Variants in LAMA4 observed in about 807,000 individuals in gnomAD.
The protein encoded by LAMA4 is laminin subunit alpha-4.
Under a neutral mutation model 207.1 loss-of-function variants are expected in LAMA4, and 127 were observed. That is an observed-to-expected ratio of 0.61 (90% CI 0.53 to 0.71). The LOEUF (loss-of-function observed/expected upper bound fraction) is 0.71. Ranked by LOEUF, LAMA4 falls within the 30% of genes least tolerant of loss-of-function variation. LAMA4 has a pLI of 0.00. For missense variants in LAMA4, 2,093 were observed against 2,246.5 expected (o/e 0.93, Z 1.38); for synonymous variants, 761 against 816.0 (o/e 0.93, Z 1.15).
chr6:112,253,641 G>A (rs1562116319), intron 2 of LAMA4: 3 of 1,127,134 alleles, frequency 2.7e-6, no homozygotes, highest in Middle Eastern at 2.3e-4. Flanking sequence ...ACTGGGACAC[G>A]CAAGTGGCAG....
chr6:112,236,723 T>C, intron 2 of LAMA4: 1 of 152,324 alleles, frequency 6.6e-6, no homozygotes, highest in East Asian at 1.9e-4. Context: ...GTTGCTGCTT[T>C]TTTAATTCGC....
chr6:112,254,068 T>A lies in LAMA4; in HGVS notation c.83A>T (p.Asp28Val). 1 of 1,610,214 alleles carries A rather than the reference T, an allele frequency of 6.2e-7. No homozygotes were observed. The highest frequency in any genetic ancestry group is 8.5e-7 in the Non-Finnish European group (1 of 1,178,688). Residue 28 changes from aspartate (D) to valine (V), a missense_variant, in exon 2 of 39, where the codon GAC (aspartate) becomes GTC (valine). Asp to Val is a radical substitution (Grantham distance 152, BLOSUM62 -3). Coordinates refer to ENST00000230538, the MANE Select transcript of LAMA4 (RefSeq NM_001105206.3). Reference protein sequence around the residue: ...SAACSRAASGDDNAFPFDIEG... With the variant: ...SAACSRAASGVDNAFPFDIEG... ...AATGTCAAAAGGAAAAGCGTTGTCG[T>A]CCCCGGACGCGGCGCGGGAGCAGGC...
rs1330403749 is a variant in LAMA4 at position 112,118,551 on chromosome 6, G to A, written c.4821+605C>T. Among the ~76,000 whole-genome samples, 7 of 152,118 alleles carry A rather than the reference G, an allele frequency of 4.6e-5. No homozygotes were observed. Among genetic ancestry groups the A allele is most frequent in the African/African-American group, 1.7e-4 (7 of 41,430 alleles). On this transcript the variant is annotated intron_variant, in intron 34 of 38. Coordinates refer to ENST00000230538, the MANE Select transcript of LAMA4 (RefSeq NM_001105206.3). The surrounding 1 kb of genome is among the most constrained non-coding windows in gnomAD (Gnocchi z 4.6). ...TTGCTAAAATCCAACCTATATTTAT[G>A]TTAAGAAAAATTTAGTCCTTTGATG...
At chr6:112,110,098 A>C (rs940227735) in intron 38 of LAMA4, among the ~76,000 whole-genome samples, 17 of 152,196 alleles carry the variant, frequency 1.1e-4, no homozygotes, top group African/African-American at 4.1e-4. Context: ...CTAAGATTCA[A>C]TTTTTCTGAG....
In LAMA4 at chr6:112,131,600, G is replaced by A. The variant is rs111675583; in HGVS notation, c.3835-499C>T. ...TGCTTGTCTTAAAATATTTGGCAAG[G>A]GTTAATCTTGCTTCTCTTTCCTTAT... On this transcript the variant is annotated intron_variant, in intron 28 of 38. Transcript: ENST00000230538. Among the ~76,000 whole-genome samples the A allele has an allele frequency of 5.2e-3, 798 of 152,106 alleles. 9 individuals are homozygous for A. The highest frequency in any genetic ancestry group is 0.019 in the African/African-American group (771 of 41,532).
In LAMA4 at chr6:112,114,205, A is replaced by G. The variant is rs1326049183; in HGVS notation, c.5207-10T>C. 1 of 1,613,374 alleles carries G rather than the reference A, an allele frequency of 6.2e-7. No individual in the cohort carries two copies. Among genetic ancestry groups the G allele is most frequent in the Admixed American group, 1.7e-5 (1 of 59,938 alleles). ...TTAGAATCTCTAATAACTGAAATGCAGGGCAAAGACTGGTCATAAGTGGCA... is the reference window on the plus strand; with the variant it reads ...TTAGAATCTCTAATAACTGAAATGCGGGGCAAAGACTGGTCATAAGTGGCA... On this transcript the variant is annotated splice_polypyrimidine_tract_variant and intron_variant, in intron 37 of 38. Transcript: ENST00000230538.
chr6:112,133,604 T>G, intron 26 of LAMA4, 117 bp from the exon 27 acceptor site: 1 of 1,243,584 alleles, frequency 8.0e-7, no homozygotes, highest in Non-Finnish European at 1.2e-6. Flanking sequence ...TAATCATTCA[T>G]ATTCTCATGC....
In LAMA4 at chr6:112,139,223, A is replaced by T. The variant is rs905353308; in HGVS notation, c.3179T>A (p.Val1060Glu). ...TTTCCCTCTCCTTGTGATGTCTCTC[A>T]CCACGGCATAACCGGAGCCATCGAA... ...YFFDGSGYAV[V>E]RDITRRGKFG... The change falls in exon 24 of 39, where the codon GTG becomes GAG. Residue 1060 changes from valine (V) to glutamate (E), a missense_variant. Coordinates refer to ENST00000230538, the MANE Select transcript of LAMA4 (RefSeq NM_001105206.3). 1 of 1,614,162 alleles carries T rather than the reference A, an allele frequency of 6.2e-7. No individual in the cohort carries two copies. The highest frequency in any genetic ancestry group is 8.5e-7 in the Non-Finnish European group (1 of 1,180,010).
chr6:112,137,365 A>C (rs1469402298), intron 24 of LAMA4, among the ~76,000 whole-genome samples: 19 of 151,812 alleles, frequency 1.3e-4, no homozygotes. Flanking sequence ...TACTAATTTA[A>C]AAAAACCTGA....
chr6:112,236,453 G>C (rs1554366046), intron 2 of LAMA4: 1 of 152,218 alleles, frequency 6.6e-6, no homozygotes, highest in Non-Finnish European at 1.5e-5. Context: ...AGCTTAATAA[G>C]TATCAACACT....
chr6:112,223,388 G>A (rs1583937224), intron 2 of LAMA4, among the ~76,000 whole-genome samples: 2 of 152,184 alleles, frequency 1.3e-5, no homozygotes, highest in Non-Finnish European at 2.9e-5. Flanking sequence ...GTTGTGAGGT[G>A]AAAGACATCT....
chr6:112,202,911 C>T (rs543919602), intron 4 of LAMA4, among the ~76,000 whole-genome samples: 1 of 152,330 alleles, frequency 6.6e-6, no homozygotes, highest in African/African-American at 2.4e-5. Flanking sequence ...AGTCATCCGC[C>T]TGTAGCTGGT....
chr6:112,148,823 C>T (rs903771820), intron 17 of LAMA4, among the ~76,000 whole-genome samples: 1 of 151,608 alleles, frequency 6.6e-6, no homozygotes, highest in African/African-American at 2.4e-5. Flanking sequence ...AAAATTTTGT[C>T]TAGGGGATGG....
At chr6:112,166,723 T>A (rs1247300584) in intron 12 of LAMA4, among the ~76,000 whole-genome samples, 2 of 152,194 alleles carry the variant, frequency 1.3e-5, no homozygotes, top group East Asian at 3.8e-4. Flanking sequence ...CAGAAATGAA[T>A]AAAATTAGCT....
Position 112,143,763 on chromosome 6 carries a change from AG to A in LAMA4, c.2493+1030del, listed in dbSNP as rs201082360. Among the ~76,000 whole-genome samples, 857 of 152,326 alleles carry A rather than the reference AG, an allele frequency of 5.6e-3. 4 individuals carry two copies. The highest frequency in any genetic ancestry group is 0.01 in the Admixed American group (159 of 15,298). On this transcript the variant is annotated intron_variant, in intron 19 of 38. Coordinates refer to ENST00000230538, the MANE Select transcript of LAMA4 (RefSeq NM_001105206.3). ...TTTAGCAAATGGTCTTAGGTGATTAAGGTCCCAAAGTCATACTCTTTATAGA... is the reference window on the plus strand; with the variant it reads ...TTTAGCAAATGGTCTTAGGTGATTAAGTCCCAAAGTCATACTCTTTATAGA...
intron 24 of LAMA4, among the ~76,000 whole-genome samples, chr6:112,136,738 TTC>T (rs1779377916): frequency 6.6e-6 from 1 of 151,770 alleles, no homozygotes; most frequent in Admixed American, 6.6e-5. Flanking sequence ...CAGCAGCTAT[TTC>T]TCTTATTAAT....
intron 2 of LAMA4, among the ~76,000 whole-genome samples, chr6:112,226,630 C>A (rs115211690): frequency 2.6e-5 from 4 of 152,172 alleles, no homozygotes; most frequent in Non-Finnish European, 5.9e-5. Context: ...GTGTCTTACT[C>A]ATTTTTGTGT....
intron 28 of LAMA4, among the ~76,000 whole-genome samples, 161 bp from the exon 29 acceptor site, chr6:112,131,262 C>T (rs1779016864): frequency 6.6e-6 from 1 of 152,098 alleles, no homozygotes; most frequent in Admixed American, 6.6e-5. Context: ...TACCTTATTG[C>T]TTGTACTGGT....
At chr6:112,241,269 A>T (rs71541022) in intron 2 of LAMA4, among the ~76,000 whole-genome samples, 146,803 of 146,808 alleles carry the variant, frequency 1, 73,399 homozygotes, top group Middle Eastern at 1. Flanking sequence ...AGAAATCTCA[A>T]CGACTGTTAC....
Sources: gnomAD v4.1 joint callset for allele counts (sites outside exome capture counted in the v4.1 genomes callset) on GRCh38, gnomAD v4.1.1 for gene constraint, Gnocchi (gnomAD v3.1) non-coding constraint, MANE v1.5 for transcripts, NCBI Gene and HGNC (gene_info 2026-07-23, HGNC 2026-07-21) for gene names.